The following MCC variants were observed in gnomAD, a reference collection of about 807,000 sequenced individuals.
The protein encoded by MCC is colorectal mutant cancer protein.
MCC carries 90 observed loss-of-function variants against 116.2 expected under a neutral mutation model. That is an observed-to-expected ratio of 0.77 (90% CI 0.65 to 0.92). MCC has a LOEUF of 0.92. Among genes scored for constraint, MCC ranks in the 40% least tolerant of loss-of-function variants. The pLI is 0.00. For synonymous variants in MCC, 578 were observed against 510.5 expected (o/e 1.13, Z -1.78); for missense variants, 1,516 against 1,312.2 (o/e 1.16, Z -2.40).
intron 5 of MCC, among the ~76,000 whole-genome samples, chr5:113,135,013 C>G (rs1758724431): frequency 6.6e-6 from 1 of 150,446 alleles, no homozygotes; most frequent in Non-Finnish European, 1.5e-5. Context: ...CCGATCTCAG[C>G]TCACTACAAC....
intron 3 of MCC, among the ~76,000 whole-genome samples, chr5:113,306,278 G>A (rs1352324480): frequency 6.6e-6 from 1 of 152,122 alleles, no homozygotes; most frequent in Non-Finnish European, 1.5e-5. Context: ...ACCTAAGAAT[G>A]GAATTGCTTG....
chr5:113,229,426 G>A (rs191145264), intron 3 of MCC, among the ~76,000 whole-genome samples: 1 of 152,330 alleles, frequency 6.6e-6, no homozygotes, highest in African/African-American at 2.4e-5. Flanking sequence ...CTAGTACTGT[G>A]AAATATCAGT....
chr5:113,433,653 C>A (rs1244843043), intron 1 of MCC: 1 of 1,481,444 alleles, frequency 6.8e-7, no homozygotes. Flanking sequence ...GGACTGCCTT[C>A]CTTCTCTGGC....
At chr5:113,463,183 T>C (rs1771793660) in intron 1 of MCC, among the ~76,000 whole-genome samples, 1 of 152,046 alleles carries the variant, frequency 6.6e-6, no homozygotes, top group Admixed American at 6.6e-5. Flanking sequence ...ACAGAGAGCC[T>C]AGAGGAGAGA....
intron 1 of MCC, chr5:113,436,856 C>G (rs1039890506): frequency 6.6e-6 from 1 of 152,212 alleles, no homozygotes; most frequent in African/African-American, 2.4e-5. Context: ...AATTGCCAAT[C>G]AGAAAATCTT....
chr5:113,315,847 C>T (rs1171671330), intron 3 of MCC, among the ~76,000 whole-genome samples: 2 of 151,986 alleles, frequency 1.3e-5, no homozygotes, highest in Non-Finnish European at 2.9e-5. Context: ...CACTGCGCTC[C>T]AGCCCGGGTG....
chr5:113,257,856 C>T (rs1322612660), intron 3 of MCC, among the ~76,000 whole-genome samples: 1 of 152,134 alleles, frequency 6.6e-6, no homozygotes, highest in Admixed American at 6.5e-5. Flanking sequence ...GAGGGGAAAG[C>T]GTTCTATCTA....
intron 7 of MCC, among the ~76,000 whole-genome samples, chr5:113,102,239 C>G (rs546002036): frequency 6.3e-4 from 96 of 152,328 alleles, no homozygotes; most frequent in Non-Finnish European, 1.1e-3. Context: ...CTGACACATC[C>G]ACACAATGCT....
At chr5:113,045,274 T>C (rs986857381) in intron 16 of MCC, among the ~76,000 whole-genome samples, 3 of 152,134 alleles carry the variant, frequency 2.0e-5, no homozygotes, top group African/African-American at 4.8e-5. Flanking sequence ...TGGATAAGAT[T>C]TGGAATCCAG....
chr5:113,059,903 G>A (rs1753100459), intron 14 of MCC, among the ~76,000 whole-genome samples: 4 of 152,306 alleles, frequency 2.6e-5, no homozygotes, highest in Admixed American at 1.3e-4. Context: ...AGCTATCGAC[G>A]TCAAATATCC....
At chr5:113,262,858 T>A (rs762101882) in intron 3 of MCC, among the ~76,000 whole-genome samples, 3 of 152,078 alleles carry the variant, frequency 2.0e-5, no homozygotes, top group Non-Finnish European at 4.4e-5. Context: ...CTGATACTGC[T>A]GGTTCACGGA....
intron 3 of MCC, among the ~76,000 whole-genome samples, chr5:113,333,484 C>T (rs1010172996): frequency 6.6e-6 from 1 of 151,506 alleles, no homozygotes; most frequent in African/African-American, 2.4e-5. Flanking sequence ...TTGCACAACT[C>T]ATGACTTTTT....
At chr5:113,187,752 C>T (rs1338753984) in intron 3 of MCC, among the ~76,000 whole-genome samples, 2 of 19,796 alleles carry the variant, frequency 1.0e-4, no homozygotes, top group African/African-American at 1.0e-4. Context: ...GAGACTCCAA[C>T]TCAAAAAAAA....
intron 5 of MCC, among the ~76,000 whole-genome samples, chr5:113,142,558 T>C (rs998822841): frequency 6.7e-6 from 1 of 149,822 alleles, no homozygotes. Context: ...TTCTGGGTTC[T>C]GACCCACCTC....
At chr5:113,273,850 G>A (rs1041054413) in intron 3 of MCC, among the ~76,000 whole-genome samples, 1 of 152,006 alleles carries the variant, frequency 6.6e-6, no homozygotes, top group African/African-American at 2.4e-5. Flanking sequence ...TATCAAGCCT[G>A]GATAGGTTAA....
At chr5:113,197,810 G>A (rs1037659933) in intron 3 of MCC, among the ~76,000 whole-genome samples, 6 of 152,238 alleles carry the variant, frequency 3.9e-5, no homozygotes, top group African/African-American at 2.4e-5. Flanking sequence ...GAACTGTGAA[G>A]CCAGGACTTG....
chr5:113,053,852 T>C lies in MCC; in HGVS notation c.2321A>G (p.Lys774Arg), dbSNP rs747962564. The change falls in exon 15 of 19, where the codon AAG becomes AGG. Residue 774 changes from lysine (K) to arginine (R), a missense_variant. Lys to Arg is a conservative substitution (Grantham distance 26, BLOSUM62 2). Transcript: ENST00000408903. ...GCTTTCCAGCTCCAGCATGGTCAGC[T>C]TGACCGCAGCCCTGTCATTCTTGAG... ...QQLKNDRAAVKLTMLELESIH... is the reference protein window; with the variant it reads ...QQLKNDRAAVRLTMLELESIH... 1.2e-6 allele frequency: 2 copies of C among 1,614,180 alleles called. No homozygotes were observed. Among genetic ancestry groups the C allele is most frequent in the Admixed American group, 1.7e-5 (1 of 60,026 alleles).
Position 113,101,838 on chromosome 5 carries a change from C to G in MCC, c.1299G>C (p.Glu433Asp), listed in dbSNP as rs547773100. Residue 433 changes from glutamate (E) to aspartate (D), a missense_variant, in exon 8 of 19, where the codon GAG becomes GAC. Transcript: ENST00000408903. ...KELAGLREEN[E>D]SLTAMLCSKE... ...TGCTGCACAGCATGGCAGTCAGGCT[C>G]TCATTCTCTTCCCTCAGCCCAGCCA... 4.0e-5 allele frequency: 65 copies of G among 1,613,564 alleles called. No homozygotes were observed. The highest frequency in any genetic ancestry group is 4.9e-5 in the Non-Finnish European group (58 of 1,180,026).
intron 14 of MCC, among the ~76,000 whole-genome samples, chr5:113,063,725 C>A (rs1753382515): frequency 6.6e-6 from 1 of 152,206 alleles, no homozygotes. Context: ...GGTTTGCATT[C>A]CATCTCTACC....
Sources: allele counts gnomAD v4.1 joint callset (sites outside exome capture counted in the v4.1 genomes callset), GRCh38; gene constraint gnomAD v4.1.1; transcripts MANE v1.5; gene names NCBI Gene and HGNC (gene_info 2026-07-23, HGNC 2026-07-21).